The following GREM1 variants were observed in gnomAD, a reference collection of about 807,000 sequenced individuals.
The protein encoded by GREM1 is gremlin-1.
Under a neutral mutation model 13.1 loss-of-function variants are expected in GREM1, and 6 were observed. That is an observed-to-expected ratio of 0.46 (90% CI 0.25 to 0.91). GREM1 has a LOEUF of 0.91. Among genes scored for constraint, GREM1 ranks in the 40% least tolerant of loss-of-function variants. The pLI, the probability that GREM1 is intolerant of heterozygous loss-of-function variation, is 0.18. For synonymous variants in GREM1, 98 were observed against 93.7 expected (o/e 1.05, Z -0.27); for missense variants, 185 against 233.9 (o/e 0.79, Z 1.36).
chr15:32,718,387 A>G (rs1372472473), intron 1 of GREM1: 1 of 492,404 alleles, frequency 2.0e-6, no homozygotes, highest in Admixed American at 2.3e-5. Flanking sequence ...GTAGGAAAAA[A>G]AGTTGTCAGG....
intron 1 of GREM1, among the ~76,000 whole-genome samples, chr15:32,719,502 A>G (rs1457113919): frequency 4.0e-5 from 6 of 151,814 alleles, no homozygotes; most frequent in African/African-American, 1.5e-4. Context: ...CTCGGCTCTT[A>G]TAGACAGAAA....
intron 1 of GREM1, among the ~76,000 whole-genome samples, chr15:32,723,697 A>T (rs994833932): frequency 6.6e-6 from 1 of 151,794 alleles, no homozygotes; most frequent in Non-Finnish European, 1.5e-5. Context: ...TCACATAGAA[A>T]CAGAAAGTCT....
Position 32,718,146 on chromosome 15 carries a change from C to A in GREM1, c.-17C>A. On this transcript the variant is annotated 5_prime_UTR_variant, in exon 1 of 2. Coordinates refer to ENST00000651154, the MANE Select transcript of GREM1 (RefSeq NM_013372.7). Reference sequence around the variant, plus strand: ...GCGTCGAAAGCGCAGGCCCCGAGGACCCGCCGCACTGACAGGTGAGCGCGG... The same window carrying A: ...GCGTCGAAAGCGCAGGCCCCGAGGAACCGCCGCACTGACAGGTGAGCGCGG... 7.6e-7 allele frequency: 1 copy of A among 1,319,050 alleles called. No individual in the cohort carries two copies. Among genetic ancestry groups the A allele is most frequent in the Non-Finnish European group, 9.9e-7 (1 of 1,007,404 alleles). The allele number at this position is 1,319,050 out of a possible 1,614,324, so 81.7% of individuals were successfully genotyped here.
At chr15:32,728,370 T>C (rs894252443) in intron 1 of GREM1, among the ~76,000 whole-genome samples, 4 of 152,174 alleles carry the variant, frequency 2.6e-5, no homozygotes, top group African/African-American at 7.2e-5. Flanking sequence ...TGTTGTAACA[T>C]ACACTGACCA....
At chr15:32,729,424 A>G (rs2055573878) in intron 1 of GREM1, among the ~76,000 whole-genome samples, 1 of 152,128 alleles carries the variant, frequency 6.6e-6, no homozygotes, top group South Asian at 2.1e-4. Flanking sequence ...TTTTAAAAAT[A>G]TGCTGCTCCT....
Position 32,733,023 on chromosome 15 carries a change from T to G in GREM1, c.*1778T>G, listed in dbSNP as rs543402678. The stretch of plus-strand genomic sequence containing the variant: ...AGCTGTTTTTATTTCGTTTTTGTTT[T>G]GATCCAGTGCTCTCCCATCTAACAA... On this transcript the variant is annotated 3_prime_UTR_variant, in exon 2 of 2. Coordinates refer to ENST00000651154, the MANE Select transcript of GREM1 (RefSeq NM_013372.7). 1 of 228,170 alleles carries G rather than the reference T, an allele frequency of 4.4e-6. No homozygotes were observed. The highest frequency in any genetic ancestry group is 2.3e-5 in the African/African-American group (1 of 44,436). 14.1% of individuals were successfully genotyped at this position (228,170 alleles called of 1,614,324 possible). A position where few individuals can be genotyped will look rare whatever the true frequency, so the allele number is the denominator to read the frequency against.
chr15:32,731,298 C>T lies in GREM1; in HGVS notation c.*53C>T. On this transcript the variant is annotated 3_prime_UTR_variant, in exon 2 of 2. Transcript: ENST00000651154. ...CTAGGAATGCAGCCCCAGGAAGTCCCAGACCTAAAACAACCAGATTCTTAC... is the reference window on the plus strand; with the variant it reads ...CTAGGAATGCAGCCCCAGGAAGTCCTAGACCTAAAACAACCAGATTCTTAC... 1 of 1,425,184 alleles carries T rather than the reference C, an allele frequency of 7.0e-7. No individual in the cohort carries two copies. The allele number at this position is 1,425,184 out of a possible 1,614,324, so 88.3% of individuals were successfully genotyped here. A position where few individuals can be genotyped will look rare whatever the true frequency, so the allele number is the denominator to read the frequency against.
At chr15:32,724,972 C>T (rs889226935) in intron 1 of GREM1, among the ~76,000 whole-genome samples, 2 of 152,138 alleles carry the variant, frequency 1.3e-5, no homozygotes, top group African/African-American at 4.8e-5. Context: ...ATGAACTCAT[C>T]CTTTTTATGG....
At position 32,730,954 on chromosome 15, in the gene GREM1, C is replaced by T. The variant is rs1246279429; in HGVS notation, c.264C>T (p.Tyr88=). The change falls in exon 2 of 2, where the codon TAC becomes TAT. Residue 88 remains tyrosine, a synonymous_variant. Transcript: ENST00000651154. The stretch of plus-strand genomic sequence containing the variant: ...CCCTGCATGTGACGGAGCGCAAATA[C>T]CTGAAGCGAGACTGGTGCAAAACCC... ...QEALHVTERK[Y]LKRDWCKTQP... The T allele has an allele frequency of 4.3e-6, 7 of 1,614,116 alleles. No individual in the cohort carries two copies. In the East Asian group the frequency reaches 1.3e-4, roughly 31 times the overall value.
chr15:32,733,889 T>C lies in GREM1; in HGVS notation c.*2644T>C, dbSNP rs2055662758. 4.2e-6 allele frequency: 1 copy of C among 240,242 alleles called. No individual in the cohort carries two copies. Among genetic ancestry groups the C allele is most frequent in the Admixed American group, 5.7e-5 (1 of 17,518 alleles). 14.9% of individuals were successfully genotyped at this position (240,242 alleles called of 1,614,324 possible). A position where few individuals can be genotyped will look rare whatever the true frequency, so the allele number is the denominator to read the frequency against. ...AAGTCTGTAAGTTGTTTTTTGTTAC[T>C]GTAGGTCTTCAAAGTTAAGAGTGTA... On this transcript the variant is annotated 3_prime_UTR_variant, in exon 2 of 2. Coordinates refer to ENST00000651154, the MANE Select transcript of GREM1 (RefSeq NM_013372.7).
rs2055776897 is a variant in GREM1 at position 32,743,231 on chromosome 15, G to A, written c.*11986G>A. 1 of 152,084 alleles carries A rather than the reference G, an allele frequency of 6.6e-6. No homozygotes were observed. The highest frequency in any genetic ancestry group is 2.4e-5 in the African/African-American group (1 of 41,396). The allele number at this position is 152,084 out of a possible 1,614,324, so 9.4% of individuals were successfully genotyped here. ...ATTTGAATATAGAGGCTGGAAGAAA[G>A]ATTTTTTTCTTTCTCTAGGATGACA... is the stretch of plus-strand genomic sequence containing the variant. On this transcript the variant is annotated 3_prime_UTR_variant, in exon 2 of 2. Coordinates refer to ENST00000651154, the MANE Select transcript of GREM1 (RefSeq NM_013372.7).
Position 32,732,314 on chromosome 15 carries a change from T to C in GREM1, c.*1069T>C, listed in dbSNP as rs2055633831. 4.2e-6 allele frequency: 1 copy of C among 239,820 alleles called. No homozygotes were observed. The highest frequency in any genetic ancestry group is 2.2e-5 in the African/African-American group (1 of 45,030). 14.9% of individuals were successfully genotyped at this position (239,820 alleles called of 1,614,324 possible). On this transcript the variant is annotated 3_prime_UTR_variant, in exon 2 of 2. Transcript: ENST00000651154. ...GTGGTTATAGTCAGCTCATTTCCAT[T>C]CCACTATTTCCCATAATGCTTCTGA...
In GREM1 at chr15:32,733,602, TTCTTC is replaced by T. The variant is rs995052243; in HGVS notation, c.*2359_*2363del. On this transcript the variant is annotated 3_prime_UTR_variant, in exon 2 of 2. Transcript: ENST00000651154. ...CACTAGCCAAAGAGGGAAATATCTG[TTCTTC>T]TTACTGTGCCTATATTAAGACTAGT... 4.4e-6 allele frequency: 1 copy of T among 229,700 alleles called. No homozygotes were observed. The highest frequency in any genetic ancestry group is 2.3e-5 in the African/African-American group (1 of 43,930). The allele number at this position is 229,700 out of a possible 1,614,324, so 14.2% of individuals were successfully genotyped here.
intron 1 of GREM1, among the ~76,000 whole-genome samples, chr15:32,724,523 T>C (rs1483408606): frequency 1.3e-5 from 2 of 152,234 alleles, no homozygotes; most frequent in Non-Finnish European, 2.9e-5. Context: ...ATTCACACTA[T>C]ATTTTGAGAC....
intron 1 of GREM1, among the ~76,000 whole-genome samples, chr15:32,727,446 C>G (rs999341606): frequency 1.3e-5 from 2 of 152,158 alleles, no homozygotes; most frequent in Admixed American, 6.5e-5. Context: ...ATTCAACACC[C>G]CTTCAATGCT....
Position 32,740,702 on chromosome 15 carries a change from T to C in GREM1, c.*9457T>C, listed in dbSNP as rs1476556735. The C allele has an allele frequency of 6.6e-6, 1 of 152,050 alleles. No homozygotes were observed. 9.4% of individuals were successfully genotyped at this position (152,050 alleles called of 1,614,324 possible). A position where few individuals can be genotyped will look rare whatever the true frequency, so the allele number is the denominator to read the frequency against. ...AAATAATGGCTGAACACTTCCCAAATATGAGGAAGAAAATGAACATTCTGA... is the reference window on the plus strand; with the variant it reads ...AAATAATGGCTGAACACTTCCCAAACATGAGGAAGAAAATGAACATTCTGA... On this transcript the variant is annotated 3_prime_UTR_variant, in exon 2 of 2. Transcript: ENST00000651154.
Position 32,741,670 on chromosome 15 carries a change from C to A in GREM1, c.*10425C>A, listed in dbSNP as rs2055762653. Reference sequence around the variant, plus strand: ...ACGTGAGCGTCTTTTATTTATTTTTCTTGCCTAATTGCTTTAGCTAGGACT... The same window carrying A: ...ACGTGAGCGTCTTTTATTTATTTTTATTGCCTAATTGCTTTAGCTAGGACT... On this transcript the variant is annotated 3_prime_UTR_variant, in exon 2 of 2. Transcript: ENST00000651154. 6.6e-6 allele frequency: 1 copy of A among 151,990 alleles called. No homozygotes were observed. The highest frequency in any genetic ancestry group is 1.5e-5 in the Non-Finnish European group (1 of 67,958). 9.4% of individuals were successfully genotyped at this position (151,990 alleles called of 1,614,324 possible).
At position 32,732,850 on chromosome 15, in the gene GREM1, A is replaced by G. The variant is rs60698247; in HGVS notation, c.*1605A>G. On this transcript the variant is annotated 3_prime_UTR_variant, in exon 2 of 2. Coordinates refer to ENST00000651154, the MANE Select transcript of GREM1 (RefSeq NM_013372.7). ...CTGTTTTCTTCAAGCCTGAGGTTTT[A>G]TATACAAACTCCCTGAATACTCTTT... 9.6e-3 allele frequency: 2,133 copies of G among 221,870 alleles called. 52 individuals are homozygous for G. Among genetic ancestry groups the G allele is most frequent in the African/African-American group, 0.045 (1,972 of 43,996 alleles). The allele number at this position is 221,870 out of a possible 1,614,324, so 13.7% of individuals were successfully genotyped here. A position where few individuals can be genotyped will look rare whatever the true frequency, so the allele number is the denominator to read the frequency against.
chr15:32,726,482 A>T (rs2140680586), intron 1 of GREM1, among the ~76,000 whole-genome samples: 1 of 152,344 alleles, frequency 6.6e-6, no homozygotes, highest in Admixed American at 6.5e-5. Context: ...AATCTCTGGG[A>T]CACAGCTAAA....
Sources: gnomAD v4.1 joint callset for allele counts (sites outside exome capture counted in the v4.1 genomes callset) on GRCh38, gnomAD v4.1.1 for gene constraint, MANE v1.5 for transcripts, NCBI Gene and HGNC (gene_info 2026-07-23, HGNC 2026-07-21) for gene names.